The following ADAMTSL3 variants were observed in gnomAD, a reference collection of about 807,000 sequenced individuals.
The protein encoded by ADAMTSL3 is ADAMTS-like protein 3.
Under a neutral mutation model 201.7 loss-of-function variants are expected in ADAMTSL3, and 128 were observed. That is an observed-to-expected ratio of 0.63 (90% CI 0.55 to 0.73). The LOEUF (loss-of-function observed/expected upper bound fraction) is 0.73. Ranked by LOEUF, ADAMTSL3 falls within the 30% of genes least tolerant of loss-of-function variation. The probability of loss-of-function intolerance (pLI) is 0.00; values close to 1 mark genes in which losing one functional copy is unlikely to be tolerated. For missense variants in ADAMTSL3, 1,990 were observed against 2,119.6 expected (o/e 0.94, Z 1.20); for synonymous variants, 738 against 748.4 (o/e 0.99, Z 0.23).
Position 83,704,477 on chromosome 15 carries a change from A to C in ADAMTSL3, c.158A>C (p.Glu53Ala), listed in dbSNP as rs781045996. The change falls in exon 3 of 30, where the codon GAG (glutamate) becomes GCG (alanine). Residue 53 changes from glutamate (E) to alanine (A), a missense_variant. Physicochemically the swap from Glu to Ala is moderately radical, Grantham distance 107. Transcript: ENST00000286744. ...AGTTTTCTGGAAGACACAACAGGGGAGCAGTTCCTCACTTATCGCTATGAT... is the reference window on the plus strand; with the variant it reads ...AGTTTTCTGGAAGACACAACAGGGGCGCAGTTCCTCACTTATCGCTATGAT... Reference protein sequence around the residue: ...QGSFLEDTTGEQFLTYRYDDQ... With the variant: ...QGSFLEDTTGAQFLTYRYDDQ... 6 of 1,614,148 alleles carry C rather than the reference A, an allele frequency of 3.7e-6. No individual in the cohort carries two copies. The highest frequency in any genetic ancestry group is 4.2e-6 in the Non-Finnish European group (5 of 1,180,024).
chr15:83,878,351 C>A (rs1029776292), intron 9 of ADAMTSL3, among the ~76,000 whole-genome samples: 2 of 152,130 alleles, frequency 1.3e-5, no homozygotes, highest in Non-Finnish European at 2.9e-5. Flanking sequence ...CGTGGTGGCT[C>A]ACCCCTGTAA....
intron 3 of ADAMTSL3, among the ~76,000 whole-genome samples, chr15:83,768,742 G>A (rs139183157): frequency 6.6e-6 from 1 of 152,286 alleles, no homozygotes; most frequent in East Asian, 1.9e-4. Flanking sequence ...CCCAAGTGGC[G>A]CTTCATTCTG....
At chr15:83,716,853 T>A (rs951146329) in intron 3 of ADAMTSL3, among the ~76,000 whole-genome samples, 1 of 152,214 alleles carries the variant, frequency 6.6e-6, no homozygotes, top group Non-Finnish European at 1.5e-5. Context: ...ATCCTTCTCT[T>A]AATCCCTTCC....
At chr15:83,744,017 A>C (rs1057228711) in intron 3 of ADAMTSL3, among the ~76,000 whole-genome samples, 2 of 151,870 alleles carry the variant, frequency 1.3e-5, no homozygotes, top group Admixed American at 1.3e-4. Context: ...CTCCCGGCTA[A>C]TTTTTTGTAT....
chr15:84,031,774 T>C (rs2068414255), intron 28 of ADAMTSL3, among the ~76,000 whole-genome samples: 1 of 152,196 alleles, frequency 6.6e-6, no homozygotes, highest in African/African-American at 2.4e-5. Context: ...GGCTTACAGA[T>C]TAAATCTTCT....
intron 25 of ADAMTSL3, among the ~76,000 whole-genome samples, chr15:84,017,284 A>AT (rs1481468736): frequency 6.6e-6 from 1 of 151,886 alleles, no homozygotes; most frequent in Non-Finnish European, 1.5e-5. Flanking sequence ...CGCCCGGCTA[A>AT]TTTTTTGTAT....
At chr15:83,808,680 T>C (rs2063642799) in intron 5 of ADAMTSL3, among the ~76,000 whole-genome samples, 1 of 152,192 alleles carries the variant, frequency 6.6e-6, no homozygotes, top group Non-Finnish European at 1.5e-5. Flanking sequence ...CTCACTCACG[T>C]GTTTATTGTA....
chr15:83,822,104 G>A (rs1237287941), intron 6 of ADAMTSL3, among the ~76,000 whole-genome samples: 1 of 148,050 alleles, frequency 6.8e-6, no homozygotes, highest in Non-Finnish European at 1.5e-5. Flanking sequence ...CCTCCCGGAC[G>A]GGGCGCCTGG....
intron 6 of ADAMTSL3, among the ~76,000 whole-genome samples, chr15:83,821,228 ACTGT>A (rs979052283): frequency 2.6e-4 from 39 of 151,196 alleles, no homozygotes; most frequent in Non-Finnish European, 2.9e-4. Flanking sequence ...CCTTTCACTT[ACTGT>A]CTGTCTCCCT....
At chr15:83,720,813 A>G (rs1437964706) in intron 3 of ADAMTSL3, among the ~76,000 whole-genome samples, 1 of 152,230 alleles carries the variant, frequency 6.6e-6, no homozygotes. Flanking sequence ...GTACTTTTAT[A>G]ATATAAAATA....
chr15:83,875,154 C>T (rs969906297), intron 9 of ADAMTSL3, among the ~76,000 whole-genome samples: 30 of 152,230 alleles, frequency 2.0e-4, no homozygotes, highest in African/African-American at 6.0e-4. Context: ...CTGAGAGAGC[C>T]GTCAGTTTGC....
At chr15:83,669,016 G>A (rs762241093) in intron 2 of ADAMTSL3, among the ~76,000 whole-genome samples, 7 of 152,218 alleles carry the variant, frequency 4.6e-5, no homozygotes, top group Non-Finnish European at 1.0e-4. Context: ...TCAGGGAATA[G>A]GGAAACATCC....
rs192895969 is a variant in ADAMTSL3, at chr15:83,820,582, A to G, written c.600+535A>G. Among the ~76,000 whole-genome samples, 5 of 152,354 alleles carry G rather than the reference A, an allele frequency of 3.3e-5. No individual in the cohort carries two copies. In the East Asian group the frequency reaches 9.6e-4, roughly 29 times the overall value. On this transcript the variant is annotated intron_variant, in intron 6 of 29. Transcript: ENST00000286744. ...ACTTTGAGAACCGCTGTTTTGGAAGAGTAATACTAGAGAGTCTCTTATTAA... is the reference window on the plus strand; with the variant it reads ...ACTTTGAGAACCGCTGTTTTGGAAGGGTAATACTAGAGAGTCTCTTATTAA...
At chr15:83,797,256 G>A (rs1393235590) in intron 4 of ADAMTSL3, among the ~76,000 whole-genome samples, 1 of 152,080 alleles carries the variant, frequency 6.6e-6, no homozygotes, top group Non-Finnish European at 1.5e-5. Flanking sequence ...ATTCATAGAA[G>A]GTGAATCTGC....
intron 6 of ADAMTSL3, among the ~76,000 whole-genome samples, chr15:83,821,053 G>A (rs913512549): frequency 6.6e-6 from 1 of 151,696 alleles, no homozygotes; most frequent in African/African-American, 2.4e-5. Flanking sequence ...CAGTCTGAGT[G>A]ACAGAGCGAG....
intron 8 of ADAMTSL3, among the ~76,000 whole-genome samples, chr15:83,869,077 C>T (rs768715966): frequency 7.9e-5 from 12 of 152,162 alleles, no homozygotes; most frequent in African/African-American, 1.9e-4. Flanking sequence ...ATCCATTGCA[C>T]GCTACTTGAA....
intron 4 of ADAMTSL3, among the ~76,000 whole-genome samples, chr15:83,783,336 A>G (rs1199811653): frequency 6.6e-6 from 1 of 152,080 alleles, no homozygotes; most frequent in Non-Finnish European, 1.5e-5. Context: ...AAAGGGTTCA[A>G]GAAAGGAGAG....
chr15:83,723,514 T>C (rs1567099938), intron 3 of ADAMTSL3, among the ~76,000 whole-genome samples: 1 of 152,208 alleles, frequency 6.6e-6, no homozygotes, highest in African/African-American at 2.4e-5. Flanking sequence ...GATATTATTA[T>C]TTATAATACT....
intron 20 of ADAMTSL3, among the ~76,000 whole-genome samples, chr15:83,979,783 C>A (rs2067351954): frequency 6.6e-6 from 1 of 152,228 alleles, no homozygotes; most frequent in African/African-American, 2.4e-5. Flanking sequence ...ATAGACAACA[C>A]AGATGCTGCT....
Sources: gnomAD v4.1 joint callset for allele counts (sites outside exome capture counted in the v4.1 genomes callset) on GRCh38, gnomAD v4.1.1 for gene constraint, MANE v1.5 for transcripts, NCBI Gene and HGNC (gene_info 2026-07-23, HGNC 2026-07-21) for gene names.